TBC1D17: variants seen among roughly 807,000 people sequenced by gnomAD.
TBC1D17 encodes the protein TBC1 domain family, member 17.
Under a neutral mutation model 78.8 loss-of-function variants are expected in TBC1D17, and 69 were observed. That is an observed-to-expected ratio of 0.88 (90% CI 0.72 to 1.07). The LOEUF (loss-of-function observed/expected upper bound fraction) is 1.07, where lower values mean the gene tolerates loss of function less well. TBC1D17 is among the 50% of genes least tolerant of loss of function. The pLI is 0.00. For missense variants in TBC1D17, 957 were observed against 861.0 expected (o/e 1.11, Z -1.39); for synonymous variants, 456 against 358.3 (o/e 1.27, Z -3.08).
intron 12 of TBC1D17, 25 bp downstream of exon 12, chr19:49,884,584 C>T (rs1435338927): frequency 5.0e-6 from 8 of 1,613,748 alleles, no homozygotes; most frequent in Non-Finnish European, 6.8e-6. Context: ...AGGGGTGGGA[C>T]ACAGGCCTAT....
rs765084835 is a variant in TBC1D17, at chr19:49,881,361, G to A, written c.413G>A (p.Trp138Ter). The change falls in exon 5 of 17, where the codon TGG (tryptophan) becomes TAG (stop). Residue 138 changes from tryptophan to a stop codon, truncating the protein, a stop_gained. Transcript: ENST00000221543. LOFTEE classifies it high-confidence loss of function. ...CGCCGCTCCAAGCCAGGCCTCAGCT[G>A]GGCCTACCTGGTTCTGGTGACCCAG... ...SIRRSKPGLS[W>*]AYLVLVTQAG... The A allele has an allele frequency of 6.2e-7, 1 of 1,613,368 alleles. No individual in the cohort carries two copies. The highest frequency in any genetic ancestry group is 8.5e-7 in the Non-Finnish European group (1 of 1,180,008).
intron 5 of TBC1D17, 126 bp from the exon 6 acceptor site, chr19:49,881,915 G>C: frequency 1.2e-6 from 1 of 825,754 alleles, no homozygotes; most frequent in Non-Finnish European, 2.0e-6. Context: ...AGCATTCCCT[G>C]AAATGAGGGG....
chr19:49,880,464 C>T (rs2075003560), intron 4 of TBC1D17, 62 bp downstream of exon 4: 11 of 1,581,158 alleles, frequency 7.0e-6, no homozygotes, highest in South Asian at 1.1e-5. Flanking sequence ...ATCTTGCCCT[C>T]AGTGGTCACG....
At chr19:49,887,867 C>T (rs1300338191) in intron 15 of TBC1D17, 33 bp downstream of exon 15, 7 of 1,551,512 alleles carry the variant, frequency 4.5e-6, no homozygotes, top group Admixed American at 1.8e-5. Flanking sequence ...GCCCTGTCCC[C>T]CCTGAGCTGG....
rs556859437 is a variant in TBC1D17, at chr19:49,883,501, T to C, written c.1032-150T>C. 31 of 640,218 alleles carry C rather than the reference T, an allele frequency of 4.8e-5. No individual in the cohort carries two copies. In the East Asian group the frequency reaches 7.9e-4, roughly 16 times the overall value. 39.7% of individuals were successfully genotyped at this position (640,218 alleles called of 1,614,324 possible). On this transcript the variant is annotated intron_variant, in intron 9 of 16. Transcript: ENST00000221543. ...TGCCAGGAAGGTGAAGTGTAAGGGA[T>C]AGTGGCAAGAATGACGAGGTGACCT...
chr19:49,881,002 G>A (rs1015894810), intron 4 of TBC1D17, among the ~76,000 whole-genome samples: 8 of 152,146 alleles, frequency 5.3e-5, no homozygotes, highest in African/African-American at 1.9e-4. Flanking sequence ...AGACCCGAGG[G>A]GCCTCGAGTG....
At chr19:49,880,483 G>GGCTTT (rs1461693861) in intron 4 of TBC1D17, 81 bp downstream of exon 4, 16 of 1,531,328 alleles carry the variant, frequency 1.0e-5, no homozygotes, top group African/African-American at 1.4e-5. Context: ...CGGTCCCAAG[G>GGCTTT]GCTTTGCTGC....
chr19:49,882,336 C>T lies in TBC1D17; in HGVS notation c.734C>T (p.Ala245Val). 1 of 1,610,706 alleles carries T rather than the reference C, an allele frequency of 6.2e-7. No individual in the cohort carries two copies. Among genetic ancestry groups the T allele is most frequent in the Non-Finnish European group, 8.5e-7 (1 of 1,179,982 alleles). ...RGALQPQPEG[A>V]ASDLPPPPDD... ...GCCCTGCAGCCACAGCCTGAGGGAG[C>T]CGCCTCCGACCTTCCCCCGCCACCC... is the stretch of plus-strand genomic sequence containing the variant. The change falls in exon 7 of 17, where the codon GCC (alanine) becomes GTC (valine). Residue 245 changes from alanine to valine, a missense_variant. Physicochemically the swap from Ala to Val is moderately conservative, Grantham distance 64 (BLOSUM62 0). Transcript: ENST00000221543.
In TBC1D17 at chr19:49,884,673, A is replaced by G; in HGVS notation, c.1359A>G (p.Glu453=). The G allele has an allele frequency of 6.2e-7, 1 of 1,614,034 alleles. No individual in the cohort carries two copies. Among genetic ancestry groups the G allele is most frequent in the Non-Finnish European group, 8.5e-7 (1 of 1,179,996 alleles). ...GFMELVQGNF[E]ESQETMKRQL... ...CCGTCCCACAGCAAGGGAACTTTGA[A>G]GAGAGCCAGGAGACCATGAAGCGGC... is the stretch of plus-strand genomic sequence containing the variant. Residue 453 remains glutamate (E), a synonymous_variant, in exon 13 of 17, where the codon GAA becomes GAG. Transcript: ENST00000221543.
At chr19:49,879,338 C>T (rs560790877) in intron 3 of TBC1D17, 4 of 152,402 alleles carry the variant, frequency 2.6e-5, no homozygotes, top group East Asian at 3.9e-4. Context: ...GGAAGTCAGT[C>T]GGCACCCACA....
intron 3 of TBC1D17, 64 bp downstream of exon 3, chr19:49,878,636 C>A: frequency 6.7e-7 from 1 of 1,496,530 alleles, no homozygotes; most frequent in South Asian, 1.1e-5. Context: ...TGTTGTAAGT[C>A]ATTTGAGGGA....
In TBC1D17 at chr19:49,882,364, CGAT is replaced by C; in HGVS notation, c.765_767del (p.Asp255del). ...CCTCCGACCTTCCCCCGCCACCCGA[CGAT>C]GAGCCCGAGCCTGGATTCGAGGTCA... is the stretch of plus-strand genomic sequence containing the variant. On this transcript the variant is annotated inframe_deletion, in exon 7 of 17. Transcript: ENST00000221543. 1.9e-6 allele frequency: 3 copies of C among 1,609,228 alleles called. No individual in the cohort carries two copies. The highest frequency in any genetic ancestry group is 2.7e-5 in the African/African-American group (2 of 75,046).
chr19:49,886,927 C>G (rs2075063227), intron 13 of TBC1D17: 1 of 161,520 alleles, frequency 6.2e-6, no homozygotes, highest in South Asian at 1.7e-4. Flanking sequence ...TCCCAAGGAG[C>G]TGGAATTACA....
At position 49,882,038 on chromosome 19, in the gene TBC1D17, C is replaced by T. The variant is rs2075019043; in HGVS notation, c.528-3C>T. On this transcript the variant is annotated splice_polypyrimidine_tract_variant and splice_region_variant and intron_variant, in intron 5 of 16. Transcript: ENST00000221543. The stretch of plus-strand genomic sequence containing the variant: ...CACCTGTGCGTCACCTCCCGCCTCC[C>T]AGCTCCCCGCAGGACTCCCGCCTCT... 3.1e-6 allele frequency: 5 copies of T among 1,612,972 alleles called. No homozygotes were observed. Among genetic ancestry groups the T allele is most frequent in the South Asian group, 2.2e-5 (2 of 91,052 alleles).
Position 49,888,586 on chromosome 19 carries a change from A to G in TBC1D17, c.1909A>G (p.Ile637Val). ...CCCGCAGCCCGACAGCAGCCTGGAG[A>G]TCCTGCCCGAGGAGGAGGACGAGGG... ...TAPQPDSSLE[I>V]LPEEEDEGAD... The change falls in exon 17 of 17, where the codon ATC becomes GTC. Residue 637 changes from isoleucine to valine, a missense_variant. Physicochemically the swap from Ile to Val is conservative, Grantham distance 29. Transcript: ENST00000221543. The G allele has an allele frequency of 6.5e-7, 1 of 1,527,050 alleles. No individual in the cohort carries two copies. 94.6% of individuals were successfully genotyped at this position (1,527,050 alleles called of 1,614,324 possible).
intron 3 of TBC1D17, 131 bp downstream of exon 3, chr19:49,878,703 G>A (rs1241725602): frequency 2.5e-6 from 2 of 788,522 alleles, no homozygotes; most frequent in African/African-American, 1.7e-5. Flanking sequence ...TTAGGCTTGG[G>A]TACTCTGCCT....
intron 3 of TBC1D17, 126 bp downstream of exon 3, chr19:49,878,698 C>A: frequency 2.4e-6 from 2 of 827,130 alleles, no homozygotes; most frequent in South Asian, 1.6e-5. Flanking sequence ...CCTGTTTAGG[C>A]TTGGGTACTC....
intron 13 of TBC1D17, among the ~76,000 whole-genome samples, chr19:49,885,813 A>G (rs2075053979): frequency 6.6e-6 from 1 of 151,976 alleles, no homozygotes; most frequent in Non-Finnish European, 1.5e-5. Context: ...TTCTACTAAA[A>G]ATACAAAAAA....
intron 13 of TBC1D17, chr19:49,885,142 C>G (rs2075048135): frequency 3.8e-6 from 1 of 262,212 alleles, no homozygotes; most frequent in Non-Finnish European, 7.5e-6. Flanking sequence ...GTGCTGCATC[C>G]CAGCTTTAAC....
Sources: gnomAD v4.1 joint callset for allele counts (sites outside exome capture counted in the v4.1 genomes callset) on GRCh38, gnomAD v4.1.1 for gene constraint, MANE v1.5 for transcripts, NCBI Gene and HGNC (gene_info 2026-07-23, HGNC 2026-07-21) for gene names.